TTC12: variants seen among roughly 807,000 people sequenced by gnomAD.
TTC12 encodes tetratricopeptide repeat protein 12.
Under a neutral mutation model 90.1 loss-of-function variants are expected in TTC12, and 70 were observed. The ratio of observed to expected loss-of-function variants is 0.78; its 90% CI spans 0.64 to 0.95. The LOEUF (loss-of-function observed/expected upper bound fraction) is 0.95, where lower values mean the gene tolerates loss of function less well. Among genes scored for constraint, TTC12 ranks in the 40% least tolerant of loss-of-function variants. TTC12 has a pLI of 0.00. For missense variants in TTC12, 819 were observed against 846.1 expected (o/e 0.97, Z 0.40); for synonymous variants, 296 against 311.5 (o/e 0.95, Z 0.53).
downstream of TTC12, among the ~76,000 whole-genome samples, chr11:113,369,890 G>A (rs57209118): frequency 0.011 from 1,656 of 152,296 alleles, 37 homozygotes; most frequent in African/African-American, 0.037. Flanking sequence ...CACCCTCACG[G>A]ATCTGCTTAT....
At chr11:113,338,702 A>G (rs781997349) in intron 8 of TTC12, 72 bp from the exon 9 acceptor site, 173 of 1,225,764 alleles carry the variant, frequency 1.4e-4, no homozygotes, top group African/African-American at 5.7e-4. Flanking sequence ...GCCAAGCCCA[A>G]TGACACCCAG....
At chr11:113,336,469 A>T (rs1948376752) in intron 8 of TTC12, among the ~76,000 whole-genome samples, 1 of 152,154 alleles carries the variant, frequency 6.6e-6, no homozygotes, top group African/African-American at 2.4e-5. Flanking sequence ...CAAGGTCAGG[A>T]AGATGTATAC....
intron 8 of TTC12, 59 bp from the exon 9 acceptor site, chr11:113,338,715 T>C: frequency 7.2e-7 from 1 of 1,381,274 alleles, no homozygotes; most frequent in Non-Finnish European, 1.0e-6. Context: ...ACACCCAGTG[T>C]CTTTCTCATA....
At position 113,323,965 on chromosome 11, in the gene TTC12, T is replaced by C. The variant is rs374400953; in HGVS notation, c.223-29T>C. On this transcript the variant is annotated intron_variant, in intron 3 of 21. Transcript: ENST00000529221. ...TAGAGTGGTTTTTGAAATTTGTTTCTTTGTTTTTATGGTAACCTACGTCTA... is the reference window on the plus strand; with the variant it reads ...TAGAGTGGTTTTTGAAATTTGTTTCCTTGTTTTTATGGTAACCTACGTCTA... 9 of 1,600,530 alleles carry C rather than the reference T, an allele frequency of 5.6e-6. No individual in the cohort carries two copies. The African/African-American group carries it at 1.2e-4, about 22-fold the overall frequency.
At chr11:113,319,238 A>C (rs1176421441) in intron 2 of TTC12, among the ~76,000 whole-genome samples, 1 of 152,194 alleles carries the variant, frequency 6.6e-6, no homozygotes, top group Admixed American at 6.5e-5. Context: ...CCCAAATTGC[A>C]AGGTATTCTA....
At chr11:113,368,091 C>T (rs1162008540), downstream of TTC12, 6 of 1,050,492 alleles carry the variant, frequency 5.7e-6, no homozygotes, top group Middle Eastern at 3.9e-4. Context: ...CTATGGCTGC[C>T]CTCCTTCTTG....
chr11:113,322,829 A>G (rs1262197560), intron 2 of TTC12, among the ~76,000 whole-genome samples: 1 of 152,192 alleles, frequency 6.6e-6, no homozygotes, highest in Non-Finnish European at 1.5e-5. Flanking sequence ...ATGGAATCTA[A>G]GCTGGATAAG....
At chr11:113,354,834 T>C (rs1189921232) in intron 16 of TTC12, among the ~76,000 whole-genome samples, 2 of 152,196 alleles carry the variant, frequency 1.3e-5, no homozygotes, top group Non-Finnish European at 2.9e-5. Flanking sequence ...ATGAGCTTTT[T>C]GATGTGCTGC....
In TTC12 at chr11:113,362,840, T is replaced by C. The variant is rs1950009019; in HGVS notation, c.1716+338T>C. 2.0e-5 allele frequency among the ~76,000 whole-genome samples: 3 copies of C among 152,220 alleles called. No individual in the cohort carries two copies. The South Asian group carries it at 6.2e-4, about 32-fold the overall frequency. The stretch of plus-strand genomic sequence containing the variant: ...ACGTTTCTCAGGCACATTGTTCTGC[T>C]CAGGTTTTGCTACTCATGATGCTTT... On this transcript the variant is annotated intron_variant, in intron 19 of 21. Transcript: ENST00000529221.
chr11:113,343,501 T>C (rs1384785036), intron 12 of TTC12, among the ~76,000 whole-genome samples: 1 of 152,196 alleles, frequency 6.6e-6, no homozygotes, highest in Non-Finnish European at 1.5e-5. Context: ...TCTGGCTCTT[T>C]CAGGGCTAGA....
At chr11:113,318,673 A>G (rs1337793187) in intron 2 of TTC12, among the ~76,000 whole-genome samples, 1 of 152,234 alleles carries the variant, frequency 6.6e-6, no homozygotes, top group African/African-American at 2.4e-5. Context: ...AGTGAGATTT[A>G]GGCAAAATGT....
chr11:113,329,354 G>T (rs1318044127), intron 6 of TTC12, among the ~76,000 whole-genome samples: 1 of 152,138 alleles, frequency 6.6e-6, no homozygotes, highest in Non-Finnish European at 1.5e-5. Flanking sequence ...TTCCTTCTTG[G>T]ATGTGGCTAG....
chr11:113,344,211 A>G, intron 12 of TTC12, 61 bp from the exon 13 acceptor site: 1 of 1,535,766 alleles, frequency 6.5e-7, no homozygotes, highest in South Asian at 1.2e-5. Flanking sequence ...ATAGAGGGTG[A>G]CAGAGCTAGT....
intron 6 of TTC12, among the ~76,000 whole-genome samples, chr11:113,329,476 T>G (rs1753789789): frequency 6.6e-6 from 1 of 152,210 alleles, no homozygotes; most frequent in African/African-American, 2.4e-5. Flanking sequence ...TCCATTTGCA[T>G]TCAGCCAATA....
At chr11:113,337,145 C>A (rs1235918099) in intron 8 of TTC12, among the ~76,000 whole-genome samples, 1 of 152,190 alleles carries the variant, frequency 6.6e-6, no homozygotes, top group East Asian at 1.9e-4. Context: ...CTTTCCCTGT[C>A]CACCAATTTT....
chr11:113,358,589 C>T (rs549595207), intron 16 of TTC12, among the ~76,000 whole-genome samples: 103 of 152,184 alleles, frequency 6.8e-4, no homozygotes, highest in Middle Eastern at 3.4e-3. Context: ...GATGATTCCC[C>T]GAGGGCTAAA....
intron 8 of TTC12, among the ~76,000 whole-genome samples, chr11:113,337,427 G>C (rs1555144403): frequency 6.6e-6 from 1 of 152,068 alleles, no homozygotes; most frequent in Non-Finnish European, 1.5e-5. Flanking sequence ...TATATAGAGG[G>C]GTAAGAAAAG....
chr11:113,358,717 C>T (rs1949756050), intron 16 of TTC12, among the ~76,000 whole-genome samples: 1 of 152,196 alleles, frequency 6.6e-6, no homozygotes, highest in African/African-American at 2.4e-5. Flanking sequence ...CCACCCCTAC[C>T]ACTTCTCTAA....
downstream of TTC12, among the ~76,000 whole-genome samples, chr11:113,370,803 A>G (rs1421624381): frequency 1.3e-5 from 2 of 152,238 alleles, no homozygotes; most frequent in African/African-American, 4.8e-5. Flanking sequence ...ACTGCTTTAA[A>G]TGAGGGTGGC....
Sources: gnomAD v4.1 joint callset for allele counts (sites outside exome capture counted in the v4.1 genomes callset) on GRCh38, gnomAD v4.1.1 for gene constraint, MANE v1.5 for transcripts, NCBI Gene and HGNC (gene_info 2026-07-23, HGNC 2026-07-21) for gene names.